STARD13: variants seen among roughly 807,000 people sequenced by gnomAD.
STARD13 encodes StAR related lipid transfer domain containing 13.
A neutral mutation model predicts 106.4 loss-of-function variants in STARD13; 62 were observed. The ratio of observed to expected loss-of-function variants is 0.58; its 90% CI spans 0.48 to 0.72. The LOEUF (loss-of-function observed/expected upper bound fraction) is 0.72. Among genes scored for constraint, STARD13 ranks in the 30% least tolerant of loss-of-function variants. The pLI, the probability that STARD13 is intolerant of heterozygous loss-of-function variation, is 0.00. For missense variants in STARD13, 1,387 were observed against 1,424.0 expected (o/e 0.97, Z 0.42); for synonymous variants, 565 against 553.0 (o/e 1.02, Z -0.31).
the STARD13 span, among the ~76,000 whole-genome samples, chr13:33,502,619 CT>C: frequency 6.6e-6 from 1 of 152,098 alleles, no homozygotes; most frequent in African/African-American, 2.4e-5. Context: ...TGTCCAAGGC[CT>C]TTTCTGCATC....
chr13:33,385,759 C>T, the STARD13 span, among the ~76,000 whole-genome samples: 4 of 149,350 alleles, frequency 2.7e-5, no homozygotes, highest in Admixed American at 1.3e-4. Context: ...ACTTGGGAGG[C>T]TGAGGCAGGA....
At chr13:33,239,496 C>T (rs982369490) in intron 1 of STARD13, among the ~76,000 whole-genome samples, 1 of 152,156 alleles carries the variant, frequency 6.6e-6, no homozygotes, top group Non-Finnish European at 1.5e-5. Flanking sequence ...TTCCCATCAA[C>T]AATACACAAG....
chr13:33,530,253 CAAG>C, the STARD13 span, among the ~76,000 whole-genome samples: 1 of 152,016 alleles, frequency 6.6e-6, no homozygotes, highest in East Asian at 1.9e-4. Context: ...ACCACCACAT[CAAG>C]AAGTCAAACT....
the STARD13 span, among the ~76,000 whole-genome samples, chr13:33,596,254 G>A: frequency 5.9e-5 from 9 of 152,256 alleles, no homozygotes; most frequent in South Asian, 2.1e-4. Context: ...TAGGCGAAAC[G>A]CCCCAAGTGA....
At chr13:33,385,634 C>T in the STARD13 span, among the ~76,000 whole-genome samples, 2,531 of 151,570 alleles carry the variant, frequency 0.017, 67 homozygotes, top group African/African-American at 0.057. Context: ...CCGAGGAGGG[C>T]GGATCACCTG....
chr13:33,338,781 A>G (rs1266613894), intron 1 of STARD13, among the ~76,000 whole-genome samples: 2 of 150,038 alleles, frequency 1.3e-5, no homozygotes, highest in Non-Finnish European at 3.0e-5. Context: ...CTACTCAGGG[A>G]TGCTGAGGCA....
chr13:33,603,061 C>T, the STARD13 span, among the ~76,000 whole-genome samples: 1 of 152,082 alleles, frequency 6.6e-6, no homozygotes, highest in Non-Finnish European at 1.5e-5. Context: ...GAAAGGATCC[C>T]TCGGGCCAAG....
intron 3 of STARD13, among the ~76,000 whole-genome samples, chr13:33,163,589 CA>C (rs577772737): frequency 0.31 from 16,570 of 53,378 alleles, 1,679 homozygotes; most frequent in Middle Eastern, 0.43. Flanking sequence ...GACTCTGTCT[CA>C]AAAAAAAAAA....
At chr13:33,528,257 C>CATATATATATATGTATATATATATAT in the STARD13 span, among the ~76,000 whole-genome samples, 1 of 92,930 alleles carries the variant, frequency 1.1e-5, no homozygotes, top group African/African-American at 6.5e-5. Context: ...TATATATATA[C>CATATATATATATGTATATATATATAT]ATATATATAT....
the STARD13 span, among the ~76,000 whole-genome samples, chr13:33,603,485 C>A: frequency 6.6e-6 from 1 of 152,182 alleles, no homozygotes; most frequent in East Asian, 1.9e-4. Flanking sequence ...AAAGGGTAAG[C>A]CAGAAAAATT....
At chr13:33,280,629 T>C (rs1891727624) in intron 1 of STARD13, 1 of 152,186 alleles carries the variant, frequency 6.6e-6, no homozygotes, top group Non-Finnish European at 1.5e-5. Flanking sequence ...GACATTTAAA[T>C]AGTTCAACAG....
intron 1 of STARD13, among the ~76,000 whole-genome samples, chr13:33,328,190 T>C (rs995466315): frequency 1.3e-5 from 2 of 152,242 alleles, no homozygotes; most frequent in Non-Finnish European, 1.5e-5. Context: ...AGGATCCAGG[T>C]ATAATGGTGA....
At chr13:33,213,792 T>C (rs1271941501) in intron 1 of STARD13, among the ~76,000 whole-genome samples, 1 of 152,240 alleles carries the variant, frequency 6.6e-6, no homozygotes, top group Non-Finnish European at 1.5e-5. Flanking sequence ...CTTTTACCTG[T>C]ATATCAAAGC....
intron 3 of STARD13, 94 bp from the exon 4 acceptor site, chr13:33,142,467 C>G: frequency 8.8e-7 from 1 of 1,136,118 alleles, no homozygotes. Flanking sequence ...AAAGTTGAAA[C>G]TGCAGGAACA....
At chr13:33,149,409 T>C (rs921640203) in intron 3 of STARD13, among the ~76,000 whole-genome samples, 1 of 152,240 alleles carries the variant, frequency 6.6e-6, no homozygotes, top group African/African-American at 2.4e-5. Context: ...TCTTTTTTTA[T>C]TCATTTAAAA....
chr13:33,578,285 A>G, the STARD13 span, among the ~76,000 whole-genome samples: 2 of 152,146 alleles, frequency 1.3e-5, no homozygotes, highest in African/African-American at 4.8e-5. Context: ...ACGGCATGGT[A>G]TTGGTATAAA....
the STARD13 span, among the ~76,000 whole-genome samples, chr13:33,372,297 A>G: frequency 6.6e-6 from 1 of 152,164 alleles, no homozygotes; most frequent in Non-Finnish European, 1.5e-5. Context: ...ATACCCTTTG[A>G]ATACACCTAC....
intron 1 of STARD13, chr13:33,275,631 T>C (rs1270137235): frequency 6.6e-6 from 1 of 152,208 alleles, no homozygotes; most frequent in African/African-American, 2.4e-5. Context: ...AGAGTTATAG[T>C]AAGTTTGGAG....
At chr13:33,435,366 G>A in the STARD13 span, among the ~76,000 whole-genome samples, 1 of 152,192 alleles carries the variant, frequency 6.6e-6, no homozygotes, top group South Asian at 2.1e-4. Context: ...AAGGGAATAA[G>A]CTGATATATC....
Sources: gnomAD v4.1 joint callset for allele counts (sites outside exome capture counted in the v4.1 genomes callset) on GRCh38, gnomAD v4.1.1 for gene constraint, MANE v1.5 for transcripts, NCBI Gene and HGNC (gene_info 2026-07-23, HGNC 2026-07-21) for gene names.